The following MACROD2 variants were observed in gnomAD, a reference collection of about 807,000 sequenced individuals.
MACROD2 encodes ADP-ribose glycohydrolase MACROD2.
In MACROD2, 36 loss-of-function variants were observed where a neutral mutation model predicts 70.4. The observed-to-expected ratio is 0.51, with a 90% confidence interval of 0.39 to 0.68. The LOEUF is 0.68. Ranked by LOEUF, MACROD2 falls within the 30% of genes least tolerant of loss-of-function variation. The pLI is 0.00. For missense variants in MACROD2, 496 were observed against 538.4 expected (o/e 0.92, Z 0.78); for synonymous variants, 172 against 178.8 (o/e 0.96, Z 0.30).
At chr20:15,984,803 A>C (rs944168547) in intron 13 of MACROD2, among the ~76,000 whole-genome samples, 1 of 152,216 alleles carries the variant, frequency 6.6e-6, no homozygotes, top group Non-Finnish European at 1.5e-5. Context: ...ATCCTTTGCT[A>C]TTAATAAGAT....
At chr20:15,285,441 G>A (rs917769675) in intron 6 of MACROD2, among the ~76,000 whole-genome samples, 1 of 152,062 alleles carries the variant, frequency 6.6e-6, no homozygotes, top group Non-Finnish European at 1.5e-5. Flanking sequence ...CTTTATCATC[G>A]TGCTAGTTCT....
intron 4 of MACROD2, among the ~76,000 whole-genome samples, chr20:14,535,275 G>T (rs543074644): frequency 6.6e-6 from 1 of 151,982 alleles, no homozygotes. Flanking sequence ...AGGCTGAGGC[G>T]GGCGGATCAC....
intron 5 of MACROD2, among the ~76,000 whole-genome samples, chr20:14,961,229 G>A (rs571924295): frequency 2.0e-5 from 3 of 152,082 alleles, no homozygotes; most frequent in Non-Finnish European, 4.4e-5. Context: ...CATATATTCC[G>A]ATTAGTTATT....
intron 5 of MACROD2, among the ~76,000 whole-genome samples, chr20:14,697,309 T>A (rs541959857): frequency 6.6e-6 from 1 of 152,340 alleles, no homozygotes; most frequent in South Asian, 2.1e-4. Flanking sequence ...CGATGCCAGA[T>A]TGAGAAACCC....
chr20:14,195,708 G>A (rs1041478479), intron 3 of MACROD2, among the ~76,000 whole-genome samples: 14 of 152,164 alleles, frequency 9.2e-5, no homozygotes, highest in African/African-American at 2.9e-4. Context: ...GCAGGCTGCC[G>A]ACTGGCAGAG....
intron 5 of MACROD2, among the ~76,000 whole-genome samples, chr20:15,005,903 G>T (rs967003673): frequency 6.6e-6 from 1 of 152,016 alleles, no homozygotes; most frequent in Non-Finnish European, 1.5e-5. Flanking sequence ...TGAAAGAGCC[G>T]ATTTTGCCTC....
At chr20:16,042,747 C>T (rs2067324441) in intron 16 of MACROD2, among the ~76,000 whole-genome samples, 1 of 152,040 alleles carries the variant, frequency 6.6e-6, no homozygotes, top group Non-Finnish European at 1.5e-5. Flanking sequence ...CTTATACTTA[C>T]ATAGGGTTGC....
chr20:15,847,619 A>C (rs74979896), intron 8 of MACROD2, among the ~76,000 whole-genome samples: 5,050 of 152,272 alleles, frequency 0.033, 127 homozygotes, highest in Middle Eastern at 0.082. Flanking sequence ...CTTTTAAGGG[A>C]TTACAGCAGC....
At chr20:15,581,637 G>A (rs2048525583) in intron 8 of MACROD2, among the ~76,000 whole-genome samples, 1 of 152,166 alleles carries the variant, frequency 6.6e-6, no homozygotes, top group Admixed American at 6.5e-5. Flanking sequence ...CTTAAATGTA[G>A]ATTTTCAGAG....
At chr20:15,032,024 G>T (rs994437260) in intron 5 of MACROD2, among the ~76,000 whole-genome samples, 13 of 152,214 alleles carry the variant, frequency 8.5e-5, no homozygotes, top group African/African-American at 1.7e-4. Context: ...AGGGGTTGAG[G>T]CGTCAGGGGG....
intron 2 of MACROD2, among the ~76,000 whole-genome samples, chr20:14,054,457 G>A (rs1004286288): frequency 6.6e-6 from 1 of 152,064 alleles, no homozygotes; most frequent in East Asian, 1.9e-4. Context: ...ACAGTTATGA[G>A]AAGTTGGCTG....
intron 3 of MACROD2, among the ~76,000 whole-genome samples, chr20:14,212,979 T>C (rs929007002): frequency 1.3e-5 from 2 of 151,828 alleles, no homozygotes; most frequent in Non-Finnish European, 2.9e-5. Context: ...AAGGCTGTTG[T>C]CAGTATACAT....
intron 5 of MACROD2, chr20:14,758,194 C>G (rs530205371): frequency 7.4e-6 from 2 of 270,114 alleles, no homozygotes; most frequent in African/African-American, 4.4e-5. Context: ...TCTAGTGTCT[C>G]CTTTGCTGCG....
intron 4 of MACROD2, among the ~76,000 whole-genome samples, chr20:14,625,134 A>C (rs767734474): frequency 6.6e-6 from 1 of 152,008 alleles, no homozygotes; most frequent in African/African-American, 2.4e-5. Context: ...GTTTGAGACC[A>C]GCCTGACCAA....
intron 8 of MACROD2, among the ~76,000 whole-genome samples, chr20:15,762,226 A>T (rs2051447259): frequency 6.6e-6 from 1 of 152,188 alleles, no homozygotes; most frequent in South Asian, 2.1e-4. Flanking sequence ...ACATTTTTTC[A>T]GTAATCACAG....
Position 15,215,435 on chromosome 20 carries a change from A to G in MACROD2, c.419-14505A>G, listed in dbSNP as rs533134967. On this transcript the variant is annotated intron_variant, in intron 5 of 17. Coordinates refer to ENST00000684519, the MANE Select transcript of MACROD2 (RefSeq NM_001351661.2). Reference sequence around the variant, plus strand: ...TTAGGTGAGGAATACATTCCTTGTTAAAATATCTATTTGCATAATTTGGTG... The same window carrying G: ...TTAGGTGAGGAATACATTCCTTGTTGAAATATCTATTTGCATAATTTGGTG... 5.9e-5 allele frequency among the ~76,000 whole-genome samples: 9 copies of G among 152,206 alleles called. No homozygotes were observed. The South Asian group carries it at 1.9e-3, about 32-fold the overall frequency.
At chr20:14,468,526 C>T (rs1250301476) in intron 3 of MACROD2, among the ~76,000 whole-genome samples, 1 of 97,912 alleles carries the variant, frequency 1.0e-5, no homozygotes, top group Non-Finnish European at 2.2e-5. Flanking sequence ...TGGGGGGGGG[C>T]GTTGGGGGCA....
In MACROD2 at chr20:16,050,541, G is replaced by A. The variant is rs1382843591; in HGVS notation, c.*665G>A. The A allele has an allele frequency of 6.6e-6, 1 of 152,308 alleles. No homozygotes were observed. Among genetic ancestry groups the A allele is most frequent in the Non-Finnish European group, 1.5e-5 (1 of 68,134 alleles). The allele number at this position is 152,308 out of a possible 1,614,324, so 9.4% of individuals were successfully genotyped here. A position where few individuals can be genotyped will look rare whatever the true frequency, so the allele number is the denominator to read the frequency against. On this transcript the variant is annotated 3_prime_UTR_variant, in exon 18 of 18. Transcript: ENST00000684519. ...GAAGGGTGGGCCCTGGCAGCCATCT[G>A]GGTCTCTTCCTTCCTAACCATGGTG...
chr20:15,942,871 C>T (rs937304086), intron 12 of MACROD2, among the ~76,000 whole-genome samples: 2 of 152,080 alleles, frequency 1.3e-5, no homozygotes, highest in Admixed American at 1.3e-4. Flanking sequence ...TTAATCAGTA[C>T]CTAATTTAAA....
Sources: allele counts gnomAD v4.1 joint callset (sites outside exome capture counted in the v4.1 genomes callset), GRCh38; gene constraint gnomAD v4.1.1; transcripts MANE v1.5; gene names NCBI Gene and HGNC (gene_info 2026-07-23, HGNC 2026-07-21).